TBX5: variants seen among roughly 807,000 people sequenced by gnomAD.
TBX5 encodes the protein T-box transcription factor TBX5.
Under a neutral mutation model 51.1 loss-of-function variants are expected in TBX5, and 8 were observed. That is an observed-to-expected ratio of 0.16 (90% CI 0.09 to 0.28). TBX5 has a LOEUF of 0.28. Ranked by LOEUF, TBX5 falls within the 10% of genes least tolerant of loss-of-function variation. The pLI is 1.00. For missense variants in TBX5, 589 were observed against 671.7 expected, an observed-to-expected ratio of 0.88 and a Z score of 1.36; for synonymous variants, 302 against 266.4, an observed-to-expected ratio of 1.13 and a Z score of -1.30.
upstream of TBX5, chr12:114,408,258 C>T: frequency 2.1e-6 from 2 of 968,958 alleles, no homozygotes; most frequent in Non-Finnish European, 2.5e-6. Context: ...AGACATAAAC[C>T]AACCCGGCTT....
Position 114,384,745 on chromosome 12 carries a change from A to ACACACAACAC in TBX5, c.755+730_755+731insGTGTTGTGTG, listed in dbSNP as rs10629159. Among the ~76,000 whole-genome samples, 260 of 115,234 alleles carry ACACACAACAC rather than the reference A, an allele frequency of 2.3e-3. 1 individual carries two copies. The highest frequency in any genetic ancestry group is 5.8e-3 in the South Asian group (21 of 3,650). The allele number at this position is 115,234 out of a possible 152,430, so 75.6% of individuals were successfully genotyped here. On this transcript the variant is annotated intron_variant, in intron 7 of 8. Transcript: ENST00000405440. The stretch of plus-strand genomic sequence containing the variant: ...CACACACACACACACACACACACAC[A>ACACACAACAC]ACACACACACACAAACCTTCTTGGT...
At chr12:114,357,022 GGATGGA>G (rs1365310332) in intron 8 of TBX5, among the ~76,000 whole-genome samples, 62 of 152,066 alleles carry the variant, frequency 4.1e-4, no homozygotes, top group African/African-American at 1.5e-3. Flanking sequence ...ATGGATGGAT[GGATGGA>G]TGCATGGATG....
At chr12:114,403,995 AG>A (rs1872024962) in intron 1 of TBX5, 59 bp from the exon 2 acceptor site, 4 of 1,532,286 alleles carry the variant, frequency 2.6e-6, no homozygotes, top group Non-Finnish European at 3.5e-6. Flanking sequence ...AACGAGAGAA[AG>A]GTTGGAGAGC....
intron 7 of TBX5, among the ~76,000 whole-genome samples, chr12:114,382,046 G>C (rs1424685297): frequency 6.6e-6 from 1 of 152,198 alleles, no homozygotes; most frequent in East Asian, 1.9e-4. Context: ...GCAATACCTT[G>C]ACAGATGGTT....
intron 7 of TBX5, among the ~76,000 whole-genome samples, 174 bp downstream of exon 7, chr12:114,385,302 C>T (rs1174372067): frequency 1.3e-5 from 2 of 152,160 alleles, no homozygotes; most frequent in Non-Finnish European, 2.9e-5. Context: ...GCGCCAACCA[C>T]ATGTGAAGGT....
chr12:114,381,833 C>T (rs1280788366), intron 7 of TBX5, among the ~76,000 whole-genome samples: 5 of 152,218 alleles, frequency 3.3e-5, no homozygotes, highest in African/African-American at 1.2e-4. Flanking sequence ...ACTCCCCCAA[C>T]TTCATCAGTG....
At chr12:114,368,336 A>G (rs1869671926) in intron 7 of TBX5, among the ~76,000 whole-genome samples, 2 of 143,990 alleles carry the variant, frequency 1.4e-5, no homozygotes. Flanking sequence ...CCCTGTCTCA[A>G]TCAATCAATC....
chr12:114,384,714 A>AATACACAC (rs759686830), intron 7 of TBX5, among the ~76,000 whole-genome samples: 1 of 143,842 alleles, frequency 7.0e-6, no homozygotes, highest in Non-Finnish European at 1.5e-5. Context: ...AAAAAAAGAA[A>AATACACAC]ACACACACAC....
intron 7 of TBX5, among the ~76,000 whole-genome samples, chr12:114,370,319 AAGAAAAGAAAAG>A (rs1299932361): frequency 6.6e-6 from 1 of 151,452 alleles, no homozygotes. Flanking sequence ...AAAGAAAGAA[AAGAAAAGAAAAG>A]AGAAAAGAAA....
chr12:114,356,793 C>T (rs910852081), intron 8 of TBX5, among the ~76,000 whole-genome samples: 7 of 152,178 alleles, frequency 4.6e-5, no homozygotes, highest in African/African-American at 1.7e-4. Context: ...ATCACAACAA[C>T]CCTACCAGGT....
chr12:114,368,877 T>C lies in TBX5; in HGVS notation c.756-2486A>G, dbSNP rs997801756. Among the ~76,000 whole-genome samples the C allele has an allele frequency of 5.3e-5, 8 of 152,134 alleles. No homozygotes were observed. The South Asian group carries it at 1.5e-3, about 28-fold the overall frequency. Reference sequence around the variant, plus strand: ...CTCCTAGCCCAGCTTCCCTGTGCCATCTCAGAACCAAAGCTGGAGCCATCC... The same window carrying C: ...CTCCTAGCCCAGCTTCCCTGTGCCACCTCAGAACCAAAGCTGGAGCCATCC... On this transcript the variant is annotated intron_variant, in intron 7 of 8. Transcript: ENST00000405440.
intron 7 of TBX5, among the ~76,000 whole-genome samples, chr12:114,385,238 G>A (rs1201734692): frequency 6.6e-6 from 1 of 152,184 alleles, no homozygotes; most frequent in Non-Finnish European, 1.5e-5. Context: ...GGAGAATGCC[G>A]AACTCTTCGT....
intron 8 of TBX5, among the ~76,000 whole-genome samples, chr12:114,356,990 CGATGGATGGATG>C (rs60572224): frequency 7.0e-5 from 10 of 143,314 alleles, no homozygotes; most frequent in East Asian, 4.5e-4. Context: ...AATATTTGTA[CGATGGATGGATG>C]GATGGATGGA....
chr12:114,398,863 A>G (rs962604815), intron 4 of TBX5, 143 bp from the exon 5 acceptor site: 2 of 1,050,596 alleles, frequency 1.9e-6, no homozygotes, highest in African/African-American at 1.6e-5. Context: ...CGTCTCCCTT[A>G]GGTATCTGCA....
chr12:114,385,005 C>T (rs538324538), intron 7 of TBX5, among the ~76,000 whole-genome samples: 5 of 152,092 alleles, frequency 3.3e-5, no homozygotes, highest in South Asian at 4.2e-4. Context: ...GCTTCCAATC[C>T]TCCAGTGCCC....
chr12:114,407,249 C>T (rs1338037059), upstream of TBX5: 1 of 269,140 alleles, frequency 3.7e-6, no homozygotes, highest in Admixed American at 6.5e-5. Flanking sequence ...GCTCACTCCA[C>T]CTTCCAGGTT....
At chr12:114,385,289 A>G (rs945651995) in intron 7 of TBX5, among the ~76,000 whole-genome samples, 187 bp downstream of exon 7, 16 of 152,166 alleles carry the variant, frequency 1.1e-4, no homozygotes, top group African/African-American at 3.9e-4. Flanking sequence ...AGGTTGCCCA[A>G]TGGCGCCAAC....
At chr12:114,392,637 G>A (rs548684508) in intron 6 of TBX5, among the ~76,000 whole-genome samples, 95 of 152,206 alleles carry the variant, frequency 6.2e-4, no homozygotes, top group Middle Eastern at 6.8e-3. Context: ...AGGGGGAAAA[G>A]ATCTCATATA....
intron 3 of TBX5, 98 bp downstream of exon 3, chr12:114,401,728 G>T: frequency 4.9e-6 from 5 of 1,029,876 alleles, no homozygotes; most frequent in Non-Finnish European, 4.6e-6. Flanking sequence ...CTCTCCTTTT[G>T]CCCCTTTCCT....
Sources: gnomAD v4.1 joint callset for allele counts (sites outside exome capture counted in the v4.1 genomes callset) on GRCh38, gnomAD v4.1.1 for gene constraint, MANE v1.5 for transcripts, NCBI Gene and HGNC (gene_info 2026-07-23, HGNC 2026-07-21) for gene names.